CD180: variants seen among roughly 807,000 people sequenced by gnomAD.
CD180 encodes CD180 antigen.
In CD180, 11 loss-of-function variants were observed where a neutral mutation model predicts 10.7. The observed-to-expected ratio is 1.03, with a 90% CI of 0.65 to 1.70. The LOEUF is 1.70. Ranked by LOEUF, CD180 falls within the 40% of genes most tolerant of loss-of-function variation. CD180 has a pLI of 0.00. For missense variants in CD180, 729 were observed against 775.2 expected, an observed-to-expected ratio of 0.94 and a Z score of 0.71; for synonymous variants, 286 against 294.6, an observed-to-expected ratio of 0.97 and a Z score of 0.30.
chr5:67,183,335 A>G lies in CD180; in HGVS notation c.1508T>C (p.Leu503Ser). The change falls in exon 3 of 3, where the codon TTG becomes TCG. Residue 503 changes from leucine to serine, a missense_variant. Coordinates refer to ENST00000256447, the MANE Select transcript of CD180 (RefSeq NM_005582.3). ...TATAGAGAGGAGACCACAAGAGGAC[A>G]AAATCAGAACCTCCAAGCTGCCCAC... is the stretch of plus-strand genomic sequence containing the variant. ...QTVGSLEVLI[L>S]SSCGLLSIDQ... 1.2e-6 allele frequency: 2 copies of G among 1,614,232 alleles called. No individual in the cohort carries two copies. The highest frequency in any genetic ancestry group is 1.7e-6 in the Non-Finnish European group (2 of 1,180,038).
rs1742070062 is a variant in CD180 at position 67,182,590 on chromosome 5, C to T, written c.*267G>A. 1 of 285,174 alleles carries T rather than the reference C, an allele frequency of 3.5e-6. No individual in the cohort carries two copies. Among genetic ancestry groups the T allele is most frequent in the Non-Finnish European group, 6.5e-6 (1 of 152,932 alleles). 17.7% of individuals were successfully genotyped at this position (285,174 alleles called of 1,614,324 possible). ...CCTGCCCAGTCCCTCCCTCTGCTTC[C>T]TCCCACTCTTCCACATGCGGAAAGG... is the stretch of plus-strand genomic sequence containing the variant. On this transcript the variant is annotated 3_prime_UTR_variant, in exon 3 of 3. Coordinates refer to ENST00000256447, the MANE Select transcript of CD180 (RefSeq NM_005582.3).
Position 67,183,715 on chromosome 5 carries a change from A to T in CD180, c.1128T>A (p.Asp376Glu), listed in dbSNP as rs1218693796. 1.2e-6 allele frequency: 2 copies of T among 1,614,076 alleles called. No homozygotes were observed. Among genetic ancestry groups the T allele is most frequent in the African/African-American group, 2.7e-5 (2 of 74,932 alleles). ...LEKLGNLQTL[D>E]LSHNDIEASD... ...AAGCCTCTATGTCATTATGGCTTAA[A>T]TCAAGTGTCTGAAGGTTTCCTAGTT... is the stretch of plus-strand genomic sequence containing the variant. The change falls in exon 3 of 3, where the codon GAT becomes GAA. Residue 376 changes from aspartate (D) to glutamate (E), a missense_variant. Transcript: ENST00000256447.
intron 1 of CD180, among the ~76,000 whole-genome samples, chr5:67,188,094 A>G (rs1435486231): frequency 6.6e-6 from 1 of 151,846 alleles, no homozygotes; most frequent in Non-Finnish European, 1.5e-5. Flanking sequence ...CGCTTGAACC[A>G]GGGACTCAGA....
At chr5:67,188,168 C>G (rs987860306) in intron 1 of CD180, among the ~76,000 whole-genome samples, 2 of 146,276 alleles carry the variant, frequency 1.4e-5, no homozygotes. Context: ...GACTCTGCCT[C>G]AAAAAGAAAA....
rs1430425645 is a variant in CD180, at chr5:67,182,431, T to G, written c.*426A>C. 1 of 156,508 alleles carries G rather than the reference T, an allele frequency of 6.4e-6. No individual in the cohort carries two copies. The highest frequency in any genetic ancestry group is 1.4e-5 in the Non-Finnish European group (1 of 70,976). 9.7% of individuals were successfully genotyped at this position (156,508 alleles called of 1,614,324 possible). A position where few individuals can be genotyped will look rare whatever the true frequency, so the allele number is the denominator to read the frequency against. On this transcript the variant is annotated 3_prime_UTR_variant, in exon 3 of 3. Coordinates refer to ENST00000256447, the MANE Select transcript of CD180 (RefSeq NM_005582.3). ...ACAATGCTGTAGTGGGGGTGGGTAGTGGGCTGGCTTCAGCTCTGACAAATT... is the reference window on the plus strand; with the variant it reads ...ACAATGCTGTAGTGGGGGTGGGTAGGGGGCTGGCTTCAGCTCTGACAAATT...
In CD180 at chr5:67,182,118, C is replaced by G. The variant is rs1224528249; in HGVS notation, c.*739G>C. ...CAGAACACCAGATAGGCAGAGAGAG[C>G]CTGCCTGGTTTCTGAACTGAGTGAG... is the stretch of plus-strand genomic sequence containing the variant. On this transcript the variant is annotated 3_prime_UTR_variant, in exon 3 of 3. Coordinates refer to ENST00000256447, the MANE Select transcript of CD180 (RefSeq NM_005582.3). 2.0e-5 allele frequency: 3 copies of G among 151,732 alleles called. No individual in the cohort carries two copies. The highest frequency in any genetic ancestry group is 4.4e-5 in the Non-Finnish European group (3 of 68,014). 9.4% of individuals were successfully genotyped at this position (151,732 alleles called of 1,614,324 possible).
intron 1 of CD180, among the ~76,000 whole-genome samples, chr5:67,186,837 C>T (rs1196162635): frequency 7.3e-6 from 1 of 136,338 alleles, no homozygotes; most frequent in African/African-American, 3.3e-5. Context: ...GAACAACTGA[C>T]TTTGTTCTAT....
chr5:67,185,949 G>T lies in CD180; in HGVS notation c.159C>A (p.Asn53Lys), dbSNP rs16875312. The change falls in exon 2 of 3, where the codon AAC becomes AAA. Residue 53 changes from asparagine (N) to lysine (K), a missense_variant. Transcript: ENST00000256447. ...AGCTGAATTCCAAAAATTCTGTTGTGTTTGGTAGAGTGTCAGGGATTTCAC... is the reference window on the plus strand; with the variant it reads ...AGCTGAATTCCAAAAATTCTGTTGTTTTTGGTAGAGTGTCAGGGATTTCAC... ...GLSEIPDTLPNTTEFLEFSFN... is the reference protein window; with the variant it reads ...GLSEIPDTLPKTTEFLEFSFN... The T allele has an allele frequency of 1.9e-6, 3 of 1,611,388 alleles. No homozygotes were observed. Among genetic ancestry groups the T allele is most frequent in the Non-Finnish European group, 2.5e-6 (3 of 1,178,624 alleles).
chr5:67,187,445 C>T (rs571970220), intron 1 of CD180, among the ~76,000 whole-genome samples: 44 of 152,302 alleles, frequency 2.9e-4, no homozygotes, highest in Non-Finnish European at 5.9e-4. Flanking sequence ...GGCTTTTGGG[C>T]AGAACCCTAC....
rs774185450 is a variant in CD180, at chr5:67,183,240, C to G, written c.1603G>C (p.Asp535His). 8 of 1,613,990 alleles carry G rather than the reference C, an allele frequency of 5.0e-6. No homozygotes were observed. The highest frequency in any genetic ancestry group is 3.3e-4 in the Middle Eastern group (2 of 6,058). Residue 535 changes from aspartate to histidine, a missense_variant, in exon 3 of 3, where the codon GAC (aspartate) becomes CAC (histidine). Physicochemically the swap from Asp to His is moderately conservative, Grantham distance 81. Transcript: ENST00000256447. ...AGATGGCTAAGAGAATCAATGCTGTCGCATGTCAGGCTGTTGTGGCTTAAG... is the reference window on the plus strand; with the variant it reads ...AGATGGCTAAGAGAATCAATGCTGTGGCATGTCAGGCTGTTGTGGCTTAAG... ...VDLSHNSLTC[D>H]SIDSLSHLKG...
At chr5:67,195,362 A>G (rs1330881902) in intron 1 of CD180, among the ~76,000 whole-genome samples, 2 of 152,124 alleles carry the variant, frequency 1.3e-5, no homozygotes, top group East Asian at 1.9e-4. Context: ...GATTACAGGC[A>G]TGTGCCACCA....
At chr5:67,185,665 T>C (rs1163820432) in intron 2 of CD180, among the ~76,000 whole-genome samples, 186 bp downstream of exon 2, 2 of 152,192 alleles carry the variant, frequency 1.3e-5, no homozygotes, top group Non-Finnish European at 1.5e-5. Context: ...CATTTTCCTC[T>C]CCATTGGTTG....
At chr5:67,187,912 T>G (rs1469179681) in intron 1 of CD180, among the ~76,000 whole-genome samples, 1 of 152,112 alleles carries the variant, frequency 6.6e-6, no homozygotes, top group Non-Finnish European at 1.5e-5. Flanking sequence ...GGACTCCTGA[T>G]AAAGCAAGTA....
At chr5:67,185,244 G>A (rs370446867) in intron 2 of CD180, among the ~76,000 whole-genome samples, 4 of 135,686 alleles carry the variant, frequency 2.9e-5, no homozygotes, top group Non-Finnish European at 6.1e-5. Context: ...TAGAACTGCC[G>A]CAAAGGGTGC....
intron 1 of CD180, among the ~76,000 whole-genome samples, chr5:67,194,195 C>G (rs918717326): frequency 6.6e-6 from 1 of 152,152 alleles, no homozygotes; most frequent in African/African-American, 2.4e-5. Flanking sequence ...AATAGCCCTT[C>G]TTAAAACAAA....
Position 67,183,908 on chromosome 5 carries a change from C to G in CD180, c.935G>C (p.Gly312Ala). 1.9e-6 allele frequency: 3 copies of G among 1,614,112 alleles called. No individual in the cohort carries two copies. Among genetic ancestry groups the G allele is most frequent in the Non-Finnish European group, 2.5e-6 (3 of 1,179,984 alleles). The change falls in exon 3 of 3, where the codon GGG (glycine) becomes GCG (alanine). Residue 312 changes from glycine (G) to alanine (A), a missense_variant. Gly to Ala is a moderately conservative substitution (Grantham distance 60). Coordinates refer to ENST00000256447, the MANE Select transcript of CD180 (RefSeq NM_005582.3). ...ELDLTATHLK[G>A]LPSGMKGLNL... ...CAGACCCTTCATCCCAGAGGGTAAC[C>G]CTTTCAAGTGAGTTGCTGTCAGATC... is the stretch of plus-strand genomic sequence containing the variant.
At position 67,184,010 on chromosome 5, in the gene CD180, C is replaced by CAGCCT; in HGVS notation, c.832_833insAGGCT (p.Ser278LysfsTer30). On this transcript the variant is annotated frameshift_variant, in exon 3 of 3. Transcript: ENST00000256447. LOFTEE classifies it low-confidence loss of function (END_TRUNC). ...GAAGCGGTGTTCCTGCAGGTTGAGG[C>CAGCCT]TCTCAACAGACATTTCACAGAGTCC... 2 of 1,614,060 alleles carry CAGCCT rather than the reference C, an allele frequency of 1.2e-6. No homozygotes were observed. Among genetic ancestry groups the CAGCCT allele is most frequent in the Non-Finnish European group, 1.7e-6 (2 of 1,179,928 alleles).
Position 67,183,785 on chromosome 5 carries a change from C to T in CD180, c.1058G>A (p.Arg353Lys). 6.2e-6 allele frequency: 10 copies of T among 1,614,164 alleles called. No individual in the cohort carries two copies. Among genetic ancestry groups the T allele is most frequent in the Non-Finnish European group, 8.5e-6 (10 of 1,180,028 alleles). Reference sequence around the variant, plus strand: ...AAGGTGAAGTTTCTTCACGTTGCCTCTGATGTAGAGGTGTGTAAGGGAGGG... The same window carrying T: ...AAGGTGAAGTTTCTTCACGTTGCCTTTGATGTAGAGGTGTGTAAGGGAGGG... The part of the protein sequence containing the change: ...NFPSLTHLYI[R>K]GNVKKLHLGV... Residue 353 changes from arginine (R) to lysine (K), a missense_variant, in exon 3 of 3, where the codon AGA (arginine) becomes AAA (lysine). Physicochemically the swap from Arg to Lys is conservative, Grantham distance 26 (BLOSUM62 2). Transcript: ENST00000256447.
intron 1 of CD180, among the ~76,000 whole-genome samples, chr5:67,186,788 C>A (rs868505463): frequency 1.3e-5 from 2 of 151,716 alleles, no homozygotes; most frequent in Middle Eastern, 3.4e-3. Context: ...AACTTCACAT[C>A]TCAAAGTGAT....
Sources: allele counts gnomAD v4.1 joint callset (sites outside exome capture counted in the v4.1 genomes callset), GRCh38; gene constraint gnomAD v4.1.1; transcripts MANE v1.5; gene names NCBI Gene and HGNC (gene_info 2026-07-23, HGNC 2026-07-21).